The following ADSS2 variants were observed in gnomAD, a reference collection of about 807,000 sequenced individuals.
ADSS2 encodes the protein adenylosuccinate synthase 2.
ADSS2 carries 30 observed loss-of-function variants against 60.0 expected under a neutral mutation model. The observed-to-expected ratio is 0.50, with a 90% CI of 0.37 to 0.68. The LOEUF (loss-of-function observed/expected upper bound fraction) is 0.68. ADSS2 is among the 30% of genes least tolerant of loss of function. ADSS2 has a pLI of 0.00. For synonymous variants in ADSS2, 187 were observed against 193.1 expected, an observed-to-expected ratio of 0.97 and a Z score of 0.26; for missense variants, 373 against 554.8, an observed-to-expected ratio of 0.67 and a Z score of 3.29.
intron 1 of ADSS2, among the ~76,000 whole-genome samples, chr1:244,448,589 ATAAG>A (rs765087731): frequency 2.0e-5 from 3 of 152,366 alleles, no homozygotes; most frequent in Non-Finnish European, 2.9e-5. Context: ...AGAACAATAA[ATAAG>A]TAAGCCTTTG....
chr1:244,413,744 T>C (rs913941693), intron 11 of ADSS2, among the ~76,000 whole-genome samples: 2 of 151,946 alleles, frequency 1.3e-5, no homozygotes, highest in African/African-American at 4.8e-5. Context: ...TGCTACACAG[T>C]TGGGGGTGGA....
chr1:244,428,317 C>G (rs1664854075), intron 4 of ADSS2, among the ~76,000 whole-genome samples: 1 of 151,904 alleles, frequency 6.6e-6, no homozygotes, highest in Non-Finnish European at 1.5e-5. Flanking sequence ...GAAAATCTTC[C>G]AATATTTGGA....
chr1:244,418,613 G>T, intron 9 of ADSS2, 147 bp downstream of exon 9: 1 of 817,224 alleles, frequency 1.2e-6, no homozygotes, highest in Non-Finnish European at 1.8e-6. Flanking sequence ...GGGCCACCAC[G>T]TCCAGCCAAA....
rs1265248878 is a variant in ADSS2, at chr1:244,451,186, G to A, written c.183+449C>T. On this transcript the variant is annotated intron_variant, in intron 1 of 12. Transcript: ENST00000366535. This position sits in a 1 kb window ranked among gnomAD's most constrained non-coding sequence, Gnocchi z 6.6. Reference sequence around the variant, plus strand: ...CAATCCACTCCCACTCCGCCGCCCTGGGCGGGGCGGGGGGGCGGTGATGGG... The same window carrying A: ...CAATCCACTCCCACTCCGCCGCCCTAGGCGGGGCGGGGGGGCGGTGATGGG... Among the ~76,000 whole-genome samples, 3 of 152,122 alleles carry A rather than the reference G, an allele frequency of 2.0e-5. No individual in the cohort carries two copies. Among genetic ancestry groups the A allele is most frequent in the African/African-American group, 7.2e-5 (3 of 41,424 alleles).
chr1:244,435,075 G>A (rs537955594), intron 3 of ADSS2, among the ~76,000 whole-genome samples: 11 of 146,650 alleles, frequency 7.5e-5, no homozygotes, highest in Admixed American at 6.6e-4. Context: ...AGCTGAGGCA[G>A]GAGAATCACT....
intron 2 of ADSS2, among the ~76,000 whole-genome samples, chr1:244,437,172 T>G (rs1160307916): frequency 2.0e-5 from 3 of 152,178 alleles, no homozygotes; most frequent in Non-Finnish European, 2.9e-5. Flanking sequence ...CAGTACATGC[T>G]AAATCAGTAT....
intron 6 of ADSS2, among the ~76,000 whole-genome samples, chr1:244,423,648 C>T (rs1426292448): frequency 6.6e-6 from 1 of 152,150 alleles, no homozygotes; most frequent in Non-Finnish European, 1.5e-5. Flanking sequence ...CACCCAAGGA[C>T]AGCCACAGCC....
At chr1:244,422,783 A>T in intron 7 of ADSS2, 52 bp downstream of exon 7, 1 of 1,387,732 alleles carries the variant, frequency 7.2e-7, no homozygotes, top group Non-Finnish European at 1.0e-6. Context: ...TCTAGATGCC[A>T]ATTTGGCAAA....
intron 3 of ADSS2, among the ~76,000 whole-genome samples, chr1:244,436,440 GA>G (rs1665102759): frequency 6.6e-6 from 1 of 152,118 alleles, no homozygotes; most frequent in South Asian, 2.1e-4. Flanking sequence ...TGTAGCATGG[GA>G]AAAAACAAAA....
At chr1:244,425,413 T>C (rs1664781281) in intron 4 of ADSS2, among the ~76,000 whole-genome samples, 1 of 152,186 alleles carries the variant, frequency 6.6e-6, no homozygotes, top group Admixed American at 6.5e-5. Context: ...AATAATTAAG[T>C]TGAAATGTGT....
At chr1:244,411,785 T>C (rs1051780121) in intron 11 of ADSS2, among the ~76,000 whole-genome samples, 1 of 152,200 alleles carries the variant, frequency 6.6e-6, no homozygotes, top group African/African-American at 2.4e-5. Context: ...TTCTATTGAT[T>C]AGGGATTGTA....
intron 4 of ADSS2, among the ~76,000 whole-genome samples, chr1:244,431,174 G>A (rs771417951): frequency 2.4e-4 from 37 of 152,052 alleles, no homozygotes; most frequent in Non-Finnish European, 4.7e-4. Flanking sequence ...GCACAATAGT[G>A]ATATATAAGT....
chr1:244,430,718 C>G (rs1178620067), intron 4 of ADSS2, among the ~76,000 whole-genome samples: 1 of 152,142 alleles, frequency 6.6e-6, no homozygotes, highest in Non-Finnish European at 1.5e-5. Flanking sequence ...CTATTGGTAA[C>G]AGAATAAATA....
intron 4 of ADSS2, among the ~76,000 whole-genome samples, chr1:244,425,087 T>C (rs1305437913): frequency 6.6e-6 from 1 of 152,200 alleles, no homozygotes; most frequent in Non-Finnish European, 1.5e-5. Flanking sequence ...ACACATAACT[T>C]GTACTCCCTC....
At chr1:244,414,644 A>C (rs1283964524) in intron 11 of ADSS2, among the ~76,000 whole-genome samples, 1 of 152,228 alleles carries the variant, frequency 6.6e-6, no homozygotes, top group Non-Finnish European at 1.5e-5. Flanking sequence ...CCTAGGAAAG[A>C]CAACAACCAG....
intron 4 of ADSS2, among the ~76,000 whole-genome samples, chr1:244,425,820 CCA>C (rs1436165321): frequency 6.6e-6 from 1 of 151,942 alleles, no homozygotes; most frequent in Non-Finnish European, 1.5e-5. Flanking sequence ...TGTCTTAGTG[CCA>C]CACAGTTAGA....
intron 7 of ADSS2, among the ~76,000 whole-genome samples, chr1:244,421,538 C>T (rs1234920003): frequency 6.6e-6 from 1 of 152,172 alleles, no homozygotes; most frequent in Admixed American, 6.5e-5. Context: ...CATACATTAC[C>T]TATAAGAATC....
intron 9 of ADSS2, 87 bp from the exon 10 acceptor site, chr1:244,417,839 C>T: frequency 7.9e-7 from 1 of 1,267,480 alleles, no homozygotes; most frequent in Non-Finnish European, 1.1e-6. Context: ...CATAGCAAAG[C>T]CTCTTTGAGA....
intron 1 of ADSS2, among the ~76,000 whole-genome samples, chr1:244,446,466 C>T (rs1012577068): frequency 6.6e-6 from 1 of 152,130 alleles, no homozygotes; most frequent in African/African-American, 2.4e-5. Flanking sequence ...GCAAAGATAT[C>T]CCAGCTCAGT....
Sources: gnomAD v4.1 joint callset for allele counts (sites outside exome capture counted in the v4.1 genomes callset) on GRCh38, gnomAD v4.1.1 for gene constraint, Gnocchi (gnomAD v3.1) non-coding constraint, MANE v1.5 for transcripts, NCBI Gene and HGNC (gene_info 2026-07-23, HGNC 2026-07-21) for gene names.